CAMTA1: variants seen among roughly 807,000 people sequenced by gnomAD.
CAMTA1 encodes calmodulin-binding transcription activator 1.
A neutral mutation model predicts 170.9 loss-of-function variants in CAMTA1; 27 were observed. That is an observed-to-expected ratio of 0.16 (90% confidence interval 0.12 to 0.22). The LOEUF (loss-of-function observed/expected upper bound fraction) is 0.22. CAMTA1 is among the 10% of genes least tolerant of loss of function. The pLI is 1.00. For synonymous variants in CAMTA1, 833 were observed against 891.5 expected (o/e 0.93, Z 1.17); for missense variants, 1,619 against 2,217.2 (o/e 0.73, Z 5.42).
Position 7,753,421 on chromosome 1 carries a change from T to C in CAMTA1, c.4958+888T>C, listed in dbSNP as rs185796836. The stretch of plus-strand genomic sequence containing the variant: ...GCTCTGTGTGTCAGGAGCTGTGCAG[T>C]TTATAATACCAAACATTAAAGCAGA... On this transcript the variant is annotated intron_variant, in intron 21 of 22. Coordinates refer to ENST00000303635, the MANE Select transcript of CAMTA1 (RefSeq NM_015215.4). Among the ~76,000 whole-genome samples, 4 of 152,316 alleles carry C rather than the reference T, an allele frequency of 2.6e-5. No homozygotes were observed. In the East Asian group the frequency reaches 7.7e-4, roughly 29 times the overall value.
intron 16 of CAMTA1, among the ~76,000 whole-genome samples, chr1:7,741,859 G>A (rs1043987165): frequency 3.3e-5 from 5 of 151,802 alleles, no homozygotes; most frequent in Middle Eastern, 3.4e-3. Flanking sequence ...GGATGGTCTC[G>A]ATCTCCTGAC....
At chr1:6,990,943 C>T (rs887506623) in intron 3 of CAMTA1, among the ~76,000 whole-genome samples, 1 of 151,784 alleles carries the variant, frequency 6.6e-6, no homozygotes, top group African/African-American at 2.4e-5. Context: ...CACTGGTGAC[C>T]GGAGGAGTGT....
chr1:6,793,473 A>G (rs1449134162), intron 1 of CAMTA1, among the ~76,000 whole-genome samples: 2 of 152,226 alleles, frequency 1.3e-5, no homozygotes, highest in Non-Finnish European at 2.9e-5. Context: ...AACATGTCTA[A>G]GAGAATGGGG....
rs1374687057 is a variant in CAMTA1 at position 7,680,868 on chromosome 1, C to CAGG, written c.2914+3137_2914+3138insGAG. On this transcript the variant is annotated intron_variant, in intron 11 of 22. Coordinates refer to ENST00000303635, the MANE Select transcript of CAMTA1 (RefSeq NM_015215.4). The surrounding 1 kb of genome is among the most constrained non-coding windows in gnomAD (Gnocchi z 4.4). ...CGCGCGCGCGCGCGCGCGCCAGCAG[C>CAGG]AGCAGCAGCAGCAGCTGCTGCGGCG... Among the ~76,000 whole-genome samples, 1 of 139,596 alleles carries CAGG rather than the reference C, an allele frequency of 7.2e-6. No individual in the cohort carries two copies. Among genetic ancestry groups the CAGG allele is most frequent in the Non-Finnish European group, 1.6e-5 (1 of 62,338 alleles). 91.6% of individuals were successfully genotyped at this position (139,596 alleles called of 152,430 possible).
intron 4 of CAMTA1, among the ~76,000 whole-genome samples, chr1:7,167,661 G>T (rs1648758581): frequency 6.6e-6 from 1 of 152,164 alleles, no homozygotes; most frequent in African/African-American, 2.4e-5. Context: ...GGGAGATTTT[G>T]ATTGGAATTA....
intron 5 of CAMTA1, among the ~76,000 whole-genome samples, chr1:7,253,594 T>C (rs1481980506): frequency 2.0e-5 from 3 of 152,198 alleles, no homozygotes; most frequent in Admixed American, 6.5e-5. Context: ...TATCATCTCA[T>C]TGAATCCTCA....
intron 11 of CAMTA1, among the ~76,000 whole-genome samples, chr1:7,691,721 G>A (rs990668954): frequency 3.3e-5 from 5 of 152,148 alleles, no homozygotes; most frequent in African/African-American, 1.2e-4. Flanking sequence ...TAGCCCCAGA[G>A]CTGAGAGAGC....
intron 5 of CAMTA1, among the ~76,000 whole-genome samples, chr1:7,309,316 T>C (rs1676085829): frequency 7.4e-6 from 1 of 135,974 alleles, no homozygotes; most frequent in Non-Finnish European, 1.6e-5. Flanking sequence ...TTTTTTTTTT[T>C]TGAGACGGAG....
At position 7,664,000 on chromosome 1, in the gene CAMTA1, C is replaced by T; in HGVS notation, c.1453C>T (p.Pro485Ser). 1 of 1,613,968 alleles carries T rather than the reference C, an allele frequency of 6.2e-7. No individual in the cohort carries two copies. The highest frequency in any genetic ancestry group is 8.5e-7 in the Non-Finnish European group (1 of 1,180,040). Residue 485 changes from proline to serine, a missense_variant, in exon 9 of 23, where the codon CCC (proline) becomes TCC (serine). Coordinates refer to ENST00000303635, the MANE Select transcript of CAMTA1 (RefSeq NM_015215.4). Reference sequence around the variant, plus strand: ...TCCAGAAACCACCATGAACTTTGACCCCGACTGTTTCCTTAATAACCCAAA... The same window carrying T: ...TCCAGAAACCACCATGAACTTTGACTCCGACTGTTTCCTTAATAACCCAAA... Reference protein sequence around the residue: ...KIPETTMNFDPDCFLNNPKQG... With the variant: ...KIPETTMNFDSDCFLNNPKQG...
At chr1:6,943,378 AG>A (rs1687013235) in intron 3 of CAMTA1, among the ~76,000 whole-genome samples, 2 of 151,926 alleles carry the variant, frequency 1.3e-5, no homozygotes, top group South Asian at 4.2e-4. Flanking sequence ...GGCAGAGGGG[AG>A]GAGGCACCTG....
intron 5 of CAMTA1, among the ~76,000 whole-genome samples, chr1:7,429,141 C>T (rs1394883052): frequency 6.6e-6 from 1 of 152,156 alleles, no homozygotes; most frequent in Non-Finnish European, 1.5e-5. Context: ...GATTAGAGCC[C>T]CACCACCTAC....
intron 4 of CAMTA1, among the ~76,000 whole-genome samples, chr1:7,098,912 C>T (rs1342438217): frequency 1.3e-5 from 2 of 152,158 alleles, no homozygotes; most frequent in Non-Finnish European, 2.9e-5. Context: ...TCCCACCCCT[C>T]CTCACTTCTT....
At chr1:7,270,299 T>A (rs1374091135) in intron 5 of CAMTA1, among the ~76,000 whole-genome samples, 7 of 146,832 alleles carry the variant, frequency 4.8e-5, no homozygotes, top group Admixed American at 1.4e-4. Context: ...ATATTTTTTT[T>A]TTTTTTTCTT....
chr1:7,761,106 A>G (rs1413439735), intron 22 of CAMTA1, among the ~76,000 whole-genome samples: 2 of 152,214 alleles, frequency 1.3e-5, no homozygotes, highest in Non-Finnish European at 2.9e-5. Context: ...GGAAGGGGGA[A>G]TTGAGACTAC....
chr1:6,891,802 G>A (rs1417121077), intron 3 of CAMTA1, among the ~76,000 whole-genome samples: 2 of 152,170 alleles, frequency 1.3e-5, no homozygotes, highest in East Asian at 1.9e-4. Context: ...AAAAATAGTA[G>A]CAGCTCAGAT....
At chr1:6,809,795 G>A (rs1412472068) in intron 1 of CAMTA1, among the ~76,000 whole-genome samples, 3 of 152,062 alleles carry the variant, frequency 2.0e-5, no homozygotes, top group Non-Finnish European at 4.4e-5. Flanking sequence ...TATGAATTCA[G>A]GGTTGCTGAG....
chr1:6,936,421 CCTGGTGTCA>C (rs1251588078), intron 3 of CAMTA1, among the ~76,000 whole-genome samples: 5 of 152,062 alleles, frequency 3.3e-5, no homozygotes, highest in Middle Eastern at 3.4e-3. Flanking sequence ...TCTGGTGGTG[CCTGGTGTCA>C]CTGGTGGCCA....
intron 3 of CAMTA1, among the ~76,000 whole-genome samples, chr1:6,833,142 G>A (rs1249733456): frequency 1.1e-4 from 17 of 152,198 alleles, no homozygotes; most frequent in Admixed American, 1.1e-3. Context: ...AGTAAGAGAA[G>A]TAAATTGCAC....
intron 3 of CAMTA1, among the ~76,000 whole-genome samples, chr1:7,018,138 G>GGTTTTTTTTTTT (rs1700827885): frequency 6.6e-6 from 1 of 151,916 alleles, no homozygotes; most frequent in Non-Finnish European, 1.5e-5. Context: ...TAATGCCAGG[G>GGTTTTTTTTTTT]CTTTTTAACA....
Sources: gnomAD v4.1 joint callset for allele counts (sites outside exome capture counted in the v4.1 genomes callset) on GRCh38, gnomAD v4.1.1 for gene constraint, Gnocchi (gnomAD v3.1) non-coding constraint, MANE v1.5 for transcripts, NCBI Gene and HGNC (gene_info 2026-07-23, HGNC 2026-07-21) for gene names.